Variants in EIF5B observed in about 807,000 individuals in gnomAD.
EIF5B encodes the protein eukaryotic translation initiation factor 5B, also known as eIF-5B.
A neutral mutation model predicts 147.5 loss-of-function variants in EIF5B; 47 were observed. That is an observed-to-expected ratio of 0.32 (90% CI 0.25 to 0.41). The LOEUF is 0.41. Ranked by LOEUF, EIF5B falls within the 10% of genes least tolerant of loss-of-function variation. The pLI, the probability that EIF5B is intolerant of heterozygous loss-of-function variation, is 1.00. For missense variants in EIF5B, 1,064 were observed against 1,413.2 expected, an observed-to-expected ratio of 0.75 and a Z score of 3.96; for synonymous variants, 455 against 456.2, an observed-to-expected ratio of 1.00 and a Z score of 0.03.
chr2:99,384,205 A>AAAAAAAAAAG, intron 14 of EIF5B, among the ~76,000 whole-genome samples: 1 of 150,974 alleles, frequency 6.6e-6, no homozygotes, highest in South Asian at 2.1e-4. Flanking sequence ...TCAAAAAAAA[A>AAAAAAAAAAG]AAGAATTATG....
intron 14 of EIF5B, among the ~76,000 whole-genome samples, chr2:99,385,124 G>T (rs558978427): frequency 6.6e-6 from 1 of 151,978 alleles, no homozygotes; most frequent in Non-Finnish European, 1.5e-5. Context: ...TCAGCTCACC[G>T]CAACCTCTGC....
chr2:99,337,658 C>G, intron 1 of EIF5B, 69 bp downstream of exon 1: 1 of 1,528,216 alleles, frequency 6.5e-7, no homozygotes, highest in Middle Eastern at 1.9e-4. Context: ...TCTCGCCGGG[C>G]GCGGCGTCGG....
At position 99,367,572 on chromosome 2, in the gene EIF5B, G is replaced by A. The variant is rs377707114; in HGVS notation, c.1289-921G>A. Among the ~76,000 whole-genome samples, 3 of 151,882 alleles carry A rather than the reference G, an allele frequency of 2.0e-5. No individual in the cohort carries two copies. The South Asian group carries it at 6.3e-4, about 32-fold the overall frequency. On this transcript the variant is annotated intron_variant, in intron 6 of 23. Coordinates refer to ENST00000289371, the MANE Select transcript of EIF5B (RefSeq NM_015904.4). ...CTGCCTCAGCCTCCTGAGTAGCTGG[G>A]ATTATAGGCACCCACCACCACAATA...
chr2:99,385,254 C>G (rs764568584), intron 14 of EIF5B, among the ~76,000 whole-genome samples: 35 of 152,196 alleles, frequency 2.3e-4, no homozygotes, highest in Admixed American at 7.2e-4. Flanking sequence ...CCATGTTGGT[C>G]AGGCTGTCTT....
In EIF5B at chr2:99,361,652, C is replaced by T. The variant is rs750793177; in HGVS notation, c.751C>T (p.Arg251Trp). 4.3e-5 allele frequency: 68 copies of T among 1,596,818 alleles called. No homozygotes were observed. The highest frequency in any genetic ancestry group is 6.7e-5 in the East Asian group (3 of 44,778). The change falls in exon 4 of 24, where the codon CGG (arginine) becomes TGG (tryptophan). Residue 251 changes from arginine to tryptophan, a missense_variant. Coordinates refer to ENST00000289371, the MANE Select transcript of EIF5B (RefSeq NM_015904.4). The stretch of plus-strand genomic sequence containing the variant: ...GCGAGATGAAGAAAAAGCGAAACTG[C>T]GGAAGCTGAAAGAAAAAGAAGAGTT... The part of the protein sequence containing the change: ...KKRDEEKAKL[R>W]KLKEKEELET...
chr2:99,341,235 C>T (rs970599260), intron 1 of EIF5B, among the ~76,000 whole-genome samples: 5 of 152,178 alleles, frequency 3.3e-5, no homozygotes, highest in Non-Finnish European at 5.9e-5. Context: ...GAATTCATTT[C>T]TTACTTGCAT....
Position 99,369,488 on chromosome 2 carries a change from A to G in EIF5B, c.1477+7A>G. On this transcript the variant is annotated splice_region_variant and intron_variant, in intron 8 of 23. Coordinates refer to ENST00000289371, the MANE Select transcript of EIF5B (RefSeq NM_015904.4). ...CCACCTCCTGTTGAACCAGGCGGGT[A>G]GTGTTATCTGATTATTTAATTAGTG... The G allele has an allele frequency of 8.8e-6, 14 of 1,598,326 alleles. No homozygotes were observed. The highest frequency in any genetic ancestry group is 1.2e-5 in the Non-Finnish European group (14 of 1,170,776).
Position 99,372,203 on chromosome 2 carries a change from T to C in EIF5B, c.1552+473T>C, listed in dbSNP as rs541967390. Among the ~76,000 whole-genome samples, 3 of 152,350 alleles carry C rather than the reference T, an allele frequency of 2.0e-5. No homozygotes were observed. The South Asian group carries it at 6.2e-4, about 32-fold the overall frequency. ...AATGATATCTGGCTCTTTGATTTTT[T>C]TCAGCCTCCCCCCATCTTTGTTTTT... On this transcript the variant is annotated intron_variant, in intron 9 of 23. Transcript: ENST00000289371.
intron 13 of EIF5B, among the ~76,000 whole-genome samples, chr2:99,382,434 A>C (rs1478236152): frequency 1.3e-5 from 2 of 152,154 alleles, no homozygotes; most frequent in Non-Finnish European, 2.9e-5. Flanking sequence ...GCACCCCCTT[A>C]ATGTGGAATG....
intron 23 of EIF5B, 70 bp from the exon 24 acceptor site, chr2:99,399,237 C>T: frequency 6.9e-7 from 1 of 1,458,092 alleles, no homozygotes; most frequent in Non-Finnish European, 9.6e-7. Flanking sequence ...GAGCGGGCAT[C>T]TGGGGCCACA....
Position 99,401,145 on chromosome 2 carries a change from T to C in EIF5B, c.*1731T>C, listed in dbSNP as rs1675335611. On this transcript the variant is annotated 3_prime_UTR_variant, in exon 24 of 24. Coordinates refer to ENST00000289371, the MANE Select transcript of EIF5B (RefSeq NM_015904.4). ...ACTTGCTTTAAAAGAAATTTAAAATTATAAAAACTCCGAGCATTACTATCA... is the reference window on the plus strand; with the variant it reads ...ACTTGCTTTAAAAGAAATTTAAAATCATAAAAACTCCGAGCATTACTATCA... The C allele has an allele frequency of 1.5e-6, 1 of 655,898 alleles. No homozygotes were observed. The highest frequency in any genetic ancestry group is 2.5e-6 in the Non-Finnish European group (1 of 398,510). The allele number at this position is 655,898 out of a possible 1,614,324, so 40.6% of individuals were successfully genotyped here.
At chr2:99,362,883 C>G (rs937686621) in intron 4 of EIF5B, among the ~76,000 whole-genome samples, 2 of 151,588 alleles carry the variant, frequency 1.3e-5, no homozygotes, top group African/African-American at 4.8e-5. Flanking sequence ...CTCAGCCTCC[C>G]AAGTAGCTGG....
chr2:99,392,831 C>A, intron 17 of EIF5B, 136 bp from the exon 18 acceptor site: 1 of 680,940 alleles, frequency 1.5e-6, no homozygotes, highest in Admixed American at 3.9e-5. Flanking sequence ...TTAAATTTAT[C>A]AGTCTTGTGA....
intron 22 of EIF5B, 191 bp from the exon 23 acceptor site, chr2:99,398,557 T>C: frequency 1.9e-6 from 1 of 522,430 alleles, no homozygotes. Flanking sequence ...ACAACCATCA[T>C]GAAGGGAATA....
chr2:99,367,376 A>T (rs1386825365), intron 6 of EIF5B, among the ~76,000 whole-genome samples: 1 of 152,126 alleles, frequency 6.6e-6, no homozygotes, highest in African/African-American at 2.4e-5. Flanking sequence ...TACGCATCTG[A>T]AAAGAATGTT....
In EIF5B at chr2:99,394,317, A is replaced by G; in HGVS notation, c.2931A>G (p.Glu977=). The G allele has an allele frequency of 6.2e-7, 1 of 1,612,402 alleles. No individual in the cohort carries two copies. Among genetic ancestry groups the G allele is most frequent in the Non-Finnish European group, 8.5e-7 (1 of 1,179,566 alleles). The change falls in exon 19 of 24, where the codon GAA becomes GAG. Residue 977 remains glutamate, a synonymous_variant. Transcript: ENST00000289371. ...AGACACTAAATGCTATCAAATTAGA[A>G]GAAAAAGGAGTCTATGTCCAGGCAT... is the stretch of plus-strand genomic sequence containing the variant. ...LKQTLNAIKL[E]EKGVYVQAST... is the part of the protein sequence containing the mutation.
At chr2:99,399,144 A>C (rs1182198983) in intron 23 of EIF5B, 163 bp from the exon 24 acceptor site, 7 of 786,722 alleles carry the variant, frequency 8.9e-6, no homozygotes, top group Non-Finnish European at 1.2e-5. Context: ...CTGACATGCA[A>C]ACCAGATGTG....
At chr2:99,374,640 G>C (rs574380685) in intron 9 of EIF5B, among the ~76,000 whole-genome samples, 11 of 152,202 alleles carry the variant, frequency 7.2e-5, no homozygotes, top group African/African-American at 2.6e-4. Context: ...TTATTCCCTT[G>C]CCCTGGCTTT....
chr2:99,371,093 C>T (rs1249189554), intron 8 of EIF5B: 3 of 152,062 alleles, frequency 2.0e-5, no homozygotes, highest in Non-Finnish European at 4.4e-5. Flanking sequence ...ATTAATGAAA[C>T]AATTAGCTTG....
Sources: gnomAD v4.1 joint callset for allele counts (sites outside exome capture counted in the v4.1 genomes callset) on GRCh38, gnomAD v4.1.1 for gene constraint, MANE v1.5 for transcripts, NCBI Gene and HGNC (gene_info 2026-07-23, HGNC 2026-07-21) for gene names.